Variants in USH1C observed in about 807,000 individuals in gnomAD.
The protein encoded by USH1C is harmonin.
In USH1C, 90 loss-of-function variants were observed where a neutral mutation model predicts 119.3. The observed-to-expected ratio is 0.75, with a 90% CI of 0.64 to 0.90. The LOEUF (loss-of-function observed/expected upper bound fraction) is 0.90. USH1C is among the 40% of genes least tolerant of loss of function. The probability of loss-of-function intolerance (pLI) is 0.00; values close to 1 mark genes in which losing one functional copy is unlikely to be tolerated. For synonymous variants in USH1C, 465 were observed against 443.3 expected, an observed-to-expected ratio of 1.05 and a Z score of -0.62; for missense variants, 1,165 against 1,167.7, an observed-to-expected ratio of 1.00 and a Z score of 0.03.
chr11:17,524,346 C>T, intron 9 of USH1C, 105 bp downstream of exon 9: 3 of 1,271,380 alleles, frequency 2.4e-6, no homozygotes, highest in South Asian at 2.6e-5. Flanking sequence ...TCAGTGTCCA[C>T]TGAAAGAGGG....
chr11:17,498,895 C>G (rs917382364), intron 23 of USH1C, among the ~76,000 whole-genome samples: 2 of 152,218 alleles, frequency 1.3e-5, no homozygotes, highest in African/African-American at 4.8e-5. Context: ...CAGGGATTGT[C>G]TTTTTGGTTC....
At chr11:17,537,258 G>A (rs889160758) in intron 1 of USH1C, among the ~76,000 whole-genome samples, 8 of 152,156 alleles carry the variant, frequency 5.3e-5, no homozygotes, top group Non-Finnish European at 4.4e-5. Flanking sequence ...GCACTAGCCC[G>A]AGGATCAGTT....
chr11:17,516,857 C>A (rs1013269885), intron 14 of USH1C, among the ~76,000 whole-genome samples: 1 of 152,196 alleles, frequency 6.6e-6, no homozygotes, highest in African/African-American at 2.4e-5. Context: ...CCAGCAGGAG[C>A]GGGCAGGAGA....
At position 17,531,724 on chromosome 11, in the gene USH1C, T is replaced by C. The variant is rs1388885210; in HGVS notation, c.105-182A>G. 6.6e-6 allele frequency among the ~76,000 whole-genome samples: 1 copy of C among 152,158 alleles called. No homozygotes were observed. On this transcript the variant is annotated intron_variant, in intron 2 of 26. Coordinates refer to ENST00000005226, the MANE Select transcript of USH1C (RefSeq NM_153676.4). This position sits in a 1 kb window ranked among gnomAD's most constrained non-coding sequence, Gnocchi z 4.2. ...CCTGAGAAGACTTTGTTCTCTTATA[T>C]AAATATCCCCAGGAAACCAGTCTAC...
intron 18 of USH1C, among the ~76,000 whole-genome samples, chr11:17,506,851 C>T (rs894892507): frequency 2.0e-5 from 3 of 152,310 alleles, no homozygotes; most frequent in African/African-American, 7.2e-5. Flanking sequence ...TCTTTGTTCC[C>T]CACCAGACTG....
intron 20 of USH1C, 47 bp from the exon 21 acceptor site, chr11:17,502,027 A>G: frequency 6.2e-7 from 1 of 1,602,484 alleles, no homozygotes; most frequent in South Asian, 1.1e-5. Context: ...GAGGGTCTTG[A>G]GGGTCAGAGC....
Position 17,522,787 on chromosome 11 carries a change from C to T in USH1C, c.1016G>A (p.Arg339Gln), listed in dbSNP as rs765571023. 18 of 1,613,800 alleles carry T rather than the reference C, an allele frequency of 1.1e-5. No individual in the cohort carries two copies. Among genetic ancestry groups the T allele is most frequent in the South Asian group, 3.3e-5 (3 of 91,084 alleles). ...ATCCAGGGCTGGCTGCACTCACTGCCGCTCCATCTCCTGCTGCTCCTGGAG... is the reference window on the plus strand; with the variant it reads ...ATCCAGGGCTGGCTGCACTCACTGCTGCTCCATCTCCTGCTGCTCCTGGAG... ...KILQEQQEME[R>Q]QRRKEIAQKA... is the part of the protein sequence containing the mutation. Residue 339 changes from arginine to glutamine, a missense_variant, in exon 12 of 27, where the codon CGG becomes CAG. Physicochemically the swap from Arg to Gln is conservative, Grantham distance 43 (BLOSUM62 1). Transcript: ENST00000005226.
At chr11:17,500,290 C>CA (rs1209663279) in intron 23 of USH1C, among the ~76,000 whole-genome samples, 1 of 152,236 alleles carries the variant, frequency 6.6e-6, no homozygotes, top group Non-Finnish European at 1.5e-5. Flanking sequence ...GACAGTAAAG[C>CA]AAAATGACCA....
At chr11:17,529,861 C>G (rs74690518) in intron 4 of USH1C, among the ~76,000 whole-genome samples, 1 of 152,198 alleles carries the variant, frequency 6.6e-6, no homozygotes, top group Non-Finnish European at 1.5e-5. Flanking sequence ...AATACCCCAA[C>G]GCCCCCAGTC....
intron 24 of USH1C, 103 bp from the exon 25 acceptor site, chr11:17,496,916 A>G: frequency 7.2e-7 from 1 of 1,390,182 alleles, no homozygotes; most frequent in South Asian, 1.2e-5. Context: ...AGGATCAGCC[A>G]GGCTGCACCT....
At position 17,505,955 on chromosome 11, in the gene USH1C, G is replaced by A. The variant is rs893999241; in HGVS notation, c.2014-6C>T. On this transcript the variant is annotated splice_polypyrimidine_tract_variant and splice_region_variant and intron_variant, in intron 18 of 26. Coordinates refer to ENST00000005226, the MANE Select transcript of USH1C (RefSeq NM_153676.4). ...TGTGGGCTTGGGCAAAATGTCTAAG[G>A]AGTTAGTTTAACAGGGACCCAGGTG... is the stretch of plus-strand genomic sequence containing the variant. 2.5e-6 allele frequency: 4 copies of A among 1,614,192 alleles called. No individual in the cohort carries two copies. The Admixed American group carries it at 5.0e-5, about 20-fold the overall frequency.
rs376783946 is a variant in USH1C, at chr11:17,509,678, A to G, written c.1691T>C (p.Met564Thr). 31 of 1,596,838 alleles carry G rather than the reference A, an allele frequency of 1.9e-5. No homozygotes were observed. The African/African-American group carries it at 3.7e-4, about 19-fold the overall frequency. The change falls in exon 18 of 27, where the codon ATG (methionine) becomes ACG (threonine). Residue 564 changes from methionine (M) to threonine (T), a missense_variant. Physicochemically the swap from Met to Thr is moderately conservative, Grantham distance 81. Coordinates refer to ENST00000005226, the MANE Select transcript of USH1C (RefSeq NM_153676.4). Reference sequence around the variant, plus strand: ...TGGGTTGGAGGGTGGAGGGTGGGGCATCACAGGCAAGGCAGAGGGAGTCTT... The same window carrying G: ...TGGGTTGGAGGGTGGAGGGTGGGGCGTCACAGGCAAGGCAGAGGGAGTCTT... The part of the protein sequence containing the change: ...PPKTPSALPV[M>T]PHPPPSNPPH...
chr11:17,531,003 G>T lies in USH1C; in HGVS notation c.387+151C>A. The T allele has an allele frequency of 8.1e-7, 1 of 1,234,416 alleles. No individual in the cohort carries two copies. 76.5% of individuals were successfully genotyped at this position (1,234,416 alleles called of 1,614,324 possible). On this transcript the variant is annotated intron_variant, in intron 4 of 26. Coordinates refer to ENST00000005226, the MANE Select transcript of USH1C (RefSeq NM_153676.4). The surrounding 1 kb of genome is among the most constrained non-coding windows in gnomAD (Gnocchi z 4.2). ...TGCGGCCTGATTTCTATGAGCCTAA[G>T]AACACCCATCAGGATGCGCCAGCCT...
intron 25 of USH1C, 152 bp from the exon 26 acceptor site, chr11:17,495,829 C>A: frequency 2.7e-6 from 2 of 733,554 alleles, no homozygotes; most frequent in Non-Finnish European, 4.4e-6. Flanking sequence ...CTGGTTTCTC[C>A]AAGACATGTG....
chr11:17,502,178 G>A (rs1057284402), intron 20 of USH1C, 198 bp from the exon 21 acceptor site: 6 of 560,782 alleles, frequency 1.1e-5, no homozygotes, highest in South Asian at 2.4e-5. Context: ...GGGACAAGCA[G>A]GAGGCTGAGG....
chr11:17,540,871 C>T (rs1341759729), intron 1 of USH1C, among the ~76,000 whole-genome samples: 1 of 152,148 alleles, frequency 6.6e-6, no homozygotes, highest in Non-Finnish European at 1.5e-5. Flanking sequence ...CAGAACAATT[C>T]CTTTTAAATG....
At chr11:17,521,205 G>T in intron 13 of USH1C, 141 bp downstream of exon 13, 1 of 1,065,914 alleles carries the variant, frequency 9.4e-7, no homozygotes, top group Non-Finnish European at 1.5e-6. Context: ...TAATATGACA[G>T]GCTTTACTAC....
At chr11:17,514,120 T>G (rs1028190317) in intron 15 of USH1C, among the ~76,000 whole-genome samples, 2 of 152,242 alleles carry the variant, frequency 1.3e-5, no homozygotes, top group Non-Finnish European at 2.9e-5. Flanking sequence ...GAATCCTTCA[T>G]GCCCTGGCAC....
chr11:17,523,038 G>T, intron 11 of USH1C, 112 bp from the exon 12 acceptor site: 3 of 1,584,328 alleles, frequency 1.9e-6, no homozygotes, highest in Non-Finnish European at 1.7e-6. Flanking sequence ...CAGGCACTGC[G>T]GCTCCCGCAA....
Sources: allele counts gnomAD v4.1 joint callset (sites outside exome capture counted in the v4.1 genomes callset), GRCh38; gene constraint gnomAD v4.1.1; non-coding constraint Gnocchi (gnomAD v3.1); transcripts MANE v1.5; gene names NCBI Gene and HGNC (gene_info 2026-07-23, HGNC 2026-07-21).